Variants in CLEC4A observed in about 807,000 individuals in gnomAD.
CLEC4A encodes the protein C-type lectin domain family 4 member A.
Under a neutral mutation model 32.7 loss-of-function variants are expected in CLEC4A, and 27 were observed. The observed-to-expected ratio is 0.83, with a 90% CI of 0.61 to 1.14. The LOEUF (loss-of-function observed/expected upper bound fraction) is 1.14. Ranked by LOEUF, CLEC4A falls within the 50% of genes most tolerant of loss-of-function variation. The probability of loss-of-function intolerance (pLI) is 0.00; values close to 1 mark genes in which losing one functional copy is unlikely to be tolerated. For synonymous variants in CLEC4A, 89 were observed against 93.7 expected (o/e 0.95, Z 0.29); for missense variants, 253 against 274.6 (o/e 0.92, Z 0.55).
At chr12:8,129,816 A>G (rs115709078) in intron 3 of CLEC4A, among the ~76,000 whole-genome samples, 2,285 of 152,202 alleles carry the variant, frequency 0.015, 58 homozygotes, top group African/African-American at 0.052. Context: ...AAAAAAACAA[A>G]TATATAGGAC....
Position 8,134,979 on chromosome 12 carries a change from G to GTTTT in CLEC4A, c.299-603_299-600dup, listed in dbSNP as rs1591611840. ...TGTATCTTCTTGTTGAAGCGTTTTT[G>GTTTT]TTTTTTGTTTTTTTTTAATCATGGC... On this transcript the variant is annotated intron_variant, in intron 3 of 5. Coordinates refer to ENST00000229332, the MANE Select transcript of CLEC4A (RefSeq NM_016184.4). The GTTTT allele has an allele frequency of 1.4e-3, 225 of 165,602 alleles. 44 individuals are homozygous for GTTTT. Among genetic ancestry groups the GTTTT allele is most frequent in the Admixed American group, 2.0e-3 (8 of 3,934 alleles). The allele number at this position is 165,602 out of a possible 1,614,324, so 10.3% of individuals were successfully genotyped here.
chr12:8,103,088 T>C, the CLEC4A span, among the ~76,000 whole-genome samples: 1 of 152,178 alleles, frequency 6.6e-6, no homozygotes, highest in Non-Finnish European at 1.5e-5. Context: ...CTTGTTATAA[T>C]GTGAGCCTGT....
At chr12:8,125,452 C>G in intron 1 of CLEC4A, 109 bp from the exon 2 acceptor site, 3 of 653,212 alleles carry the variant, frequency 4.6e-6, no homozygotes, top group Non-Finnish European at 8.3e-6. Context: ...AATGTCATAC[C>G]GTTAGTAACT....
At chr12:8,119,609 C>G (rs1339010576), upstream of CLEC4A, among the ~76,000 whole-genome samples, 2 of 152,230 alleles carry the variant, frequency 1.3e-5, no homozygotes, top group East Asian at 3.8e-4. Flanking sequence ...CCTATTTACT[C>G]CATCCTTACT....
At chr12:8,134,772 G>T (rs1202045644) in intron 3 of CLEC4A, 3 of 1,554,464 alleles carry the variant, frequency 1.9e-6, no homozygotes, top group African/African-American at 2.7e-5. Context: ...AACCCAGCCC[G>T]GCTCCGGCCC....
At chr12:8,129,390 T>A (rs763589529) in intron 3 of CLEC4A, 28 bp downstream of exon 3, 24 of 1,356,450 alleles carry the variant, frequency 1.8e-5, no homozygotes, top group Non-Finnish European at 2.4e-5. Flanking sequence ...TAGAATTCAG[T>A]TGCTGAATGT....
chr12:8,105,052 A>G, the CLEC4A span, among the ~76,000 whole-genome samples: 1 of 152,242 alleles, frequency 6.6e-6, no homozygotes, highest in East Asian at 1.9e-4. Flanking sequence ...TGCGGCATAC[A>G]TGTGTCTTTA....
chr12:8,103,391 T>C, the CLEC4A span, among the ~76,000 whole-genome samples: 2 of 120,862 alleles, frequency 1.7e-5, no homozygotes, highest in Non-Finnish European at 3.4e-5. Flanking sequence ...TTTTTTTTTT[T>C]TTTTTTTTTT....
the CLEC4A span, among the ~76,000 whole-genome samples, chr12:8,116,877 G>C: frequency 4.6e-5 from 7 of 152,078 alleles, no homozygotes; most frequent in Non-Finnish European, 1.0e-4. Context: ...GGCAATATAT[G>C]GGTATCCTCC....
chr12:8,118,634 T>C (rs1439324421), upstream of CLEC4A, among the ~76,000 whole-genome samples: 1 of 152,126 alleles, frequency 6.6e-6, no homozygotes, highest in African/African-American at 2.4e-5. Context: ...TCACGAGAAC[T>C]CACTATGGCG....
chr12:8,138,594 T>C lies in CLEC4A; in HGVS notation c.*307T>C, dbSNP rs909354109. 8 of 185,954 alleles carry C rather than the reference T, an allele frequency of 4.3e-5. No homozygotes were observed. The highest frequency in any genetic ancestry group is 7.1e-5 in the African/African-American group (3 of 41,980). 11.5% of individuals were successfully genotyped at this position (185,954 alleles called of 1,614,324 possible). A position where few individuals can be genotyped will look rare whatever the true frequency, so the allele number is the denominator to read the frequency against. On this transcript the variant is annotated 3_prime_UTR_variant, in exon 6 of 6. Coordinates refer to ENST00000229332, the MANE Select transcript of CLEC4A (RefSeq NM_016184.4). ...AGAATTATTTACCAATAAAATTATATGATGTGGTGTCTCCTCCTGTCTGGT... is the reference window on the plus strand; with the variant it reads ...AGAATTATTTACCAATAAAATTATACGATGTGGTGTCTCCTCCTGTCTGGT...
In CLEC4A at chr12:8,125,653, A is replaced by G; in HGVS notation, c.175A>G (p.Ile59Val). ...SLLIFFLLLA[I>V]SFFIAFVIFF... Reference sequence around the variant, plus strand: ...GTTGATATTTTTCCTGCTATTGGCAATCTCATTCTTTATTGCTTTTGTCAG... The same window carrying G: ...GTTGATATTTTTCCTGCTATTGGCAGTCTCATTCTTTATTGCTTTTGTCAG... Residue 59 changes from isoleucine to valine, a missense_variant, in exon 2 of 6, where the codon ATC becomes GTC. Physicochemically the swap from Ile to Val is conservative, Grantham distance 29. Transcript: ENST00000229332. 6.2e-7 allele frequency: 1 copy of G among 1,609,268 alleles called. No homozygotes were observed. Among genetic ancestry groups the G allele is most frequent in the Non-Finnish European group, 8.5e-7 (1 of 1,175,658 alleles).
upstream of CLEC4A, among the ~76,000 whole-genome samples, chr12:8,122,529 C>T (rs1196256487): frequency 2.6e-5 from 4 of 151,766 alleles, no homozygotes; most frequent in East Asian, 2.0e-4. Context: ...GGAGGGCATC[C>T]GCGCAGGGGA....
At chr12:8,119,205 A>T (rs1947812683), upstream of CLEC4A, among the ~76,000 whole-genome samples, 1 of 152,194 alleles carries the variant, frequency 6.6e-6, no homozygotes, top group African/African-American at 2.4e-5. Context: ...TTTGGTGAAA[A>T]TAAGATAGAT....
intron 2 of CLEC4A, among the ~76,000 whole-genome samples, chr12:8,129,022 T>C (rs990984557): frequency 2.6e-5 from 4 of 152,096 alleles, no homozygotes; most frequent in Non-Finnish European, 5.9e-5. Flanking sequence ...TATTAAGTAT[T>C]GAAGGAGAAT....
At chr12:8,128,497 G>T (rs1259481504) in intron 2 of CLEC4A, among the ~76,000 whole-genome samples, 1 of 150,056 alleles carries the variant, frequency 6.7e-6, no homozygotes, top group African/African-American at 2.5e-5. Context: ...CGCAACCTCC[G>T]CCTCCCAGGT....
intron 5 of CLEC4A, 102 bp from the exon 6 acceptor site, chr12:8,138,038 C>G (rs772403210): frequency 7.7e-7 from 1 of 1,293,100 alleles, no homozygotes; most frequent in South Asian, 1.5e-5. Flanking sequence ...GCATATCTGA[C>G]CCTATGTTCC....
the CLEC4A span, among the ~76,000 whole-genome samples, chr12:8,115,355 C>T: frequency 6.5e-4 from 99 of 152,264 alleles, no homozygotes; most frequent in South Asian, 3.9e-3. Context: ...GGGCCCCATT[C>T]TCAAAATTAT....
upstream of CLEC4A, chr12:8,120,767 G>A (rs1471817006): frequency 2.6e-5 from 4 of 152,180 alleles, no homozygotes. Context: ...AGATCTCTTG[G>A]ATAAATAATT....
Sources: allele counts gnomAD v4.1 joint callset (sites outside exome capture counted in the v4.1 genomes callset), GRCh38; gene constraint gnomAD v4.1.1; transcripts MANE v1.5; gene names NCBI Gene and HGNC (gene_info 2026-07-23, HGNC 2026-07-21).